The following TMPRSS6 variants were observed in gnomAD, a reference collection of about 807,000 sequenced individuals.
TMPRSS6 encodes the protein transmembrane serine protease 6, also known as transmembrane protease serine 6.
Under a neutral mutation model 101.5 loss-of-function variants are expected in TMPRSS6, and 67 were observed. The ratio of observed to expected loss-of-function variants is 0.66; its 90% CI spans 0.54 to 0.81. The LOEUF (loss-of-function observed/expected upper bound fraction) is 0.81. Among genes scored for constraint, TMPRSS6 ranks in the 30% least tolerant of loss-of-function variants. The pLI is 0.00. For missense variants in TMPRSS6, 1,034 were observed against 1,088.7 expected, an observed-to-expected ratio of 0.95 and a Z score of 0.71; for synonymous variants, 453 against 464.9, an observed-to-expected ratio of 0.97 and a Z score of 0.33.
At chr22:37,098,606 T>C in intron 2 of TMPRSS6, 57 bp from the exon 3 acceptor site, 2 of 1,613,142 alleles carry the variant, frequency 1.2e-6, no homozygotes, top group South Asian at 1.1e-5. Context: ...AAGTCTCCTG[T>C]CTCTTCCATG....
At chr22:37,070,682 C>G (rs1247045676) in intron 14 of TMPRSS6, 30 bp from the exon 15 acceptor site, 1 of 1,602,268 alleles carries the variant, frequency 6.2e-7, no homozygotes, top group Admixed American at 1.7e-5. Flanking sequence ...GTGGGGTGGA[C>G]AGAGGAGGAG....
At chr22:37,068,833 C>T (rs1268499020) in intron 16 of TMPRSS6, among the ~76,000 whole-genome samples, 2 of 152,230 alleles carry the variant, frequency 1.3e-5, no homozygotes. Flanking sequence ...GCCCCTTTGC[C>T]CCACACATAA....
rs117575523 is a variant in TMPRSS6, at chr22:37,065,577, G to C, written c.*503C>G. 1.0e-3 allele frequency: 163 copies of C among 163,052 alleles called. 6 individuals are homozygous for C. The East Asian group carries it at 0.018, about 18-fold the overall frequency. The allele number at this position is 163,052 out of a possible 1,614,324, so 10.1% of individuals were successfully genotyped here. A position where few individuals can be genotyped will look rare whatever the true frequency, so the allele number is the denominator to read the frequency against. ...CCCCACCTTTTGGCTTACAGTGGCA[G>C]CAGGCCCACCTGGCAGTCTCCAGGG... On this transcript the variant is annotated 3_prime_UTR_variant, in exon 18 of 18. Coordinates refer to ENST00000676104, the MANE Select transcript of TMPRSS6 (RefSeq NM_001374504.1).
intron 16 of TMPRSS6, 50 bp from the exon 17 acceptor site, chr22:37,067,012 G>A (rs377107630): frequency 6.2e-7 from 1 of 1,612,766 alleles, no homozygotes; most frequent in South Asian, 1.1e-5. Flanking sequence ...TGGAGCCCCT[G>A]TTCTCTATTC....
At chr22:37,068,154 T>C (rs1399285742) in intron 16 of TMPRSS6, among the ~76,000 whole-genome samples, 2 of 152,118 alleles carry the variant, frequency 1.3e-5, no homozygotes, top group Non-Finnish European at 2.9e-5. Flanking sequence ...CCCGAGAATG[T>C]TCTCTCTTCA....
rs1294779086 is a variant in TMPRSS6, at chr22:37,075,228, C to T, written c.1249G>A (p.Ala417Thr). 1.9e-6 allele frequency: 3 copies of T among 1,613,678 alleles called. No homozygotes were observed. The highest frequency in any genetic ancestry group is 2.7e-5 in the African/African-American group (2 of 74,924). Reference sequence around the variant, plus strand: ...AAGTTGATGGTGATCCCGGCCGTGGCCACCACGGGGATCCTCTCGGCGTAG... The same window carrying T: ...AAGTTGATGGTGATCCCGGCCGTGGTCACCACGGGGATCCTCTCGGCGTAG... ...QPYAERIPVV[A>T]TAGITINFTS... Residue 417 changes from alanine to threonine, a missense_variant, in exon 11 of 18, where the codon GCC becomes ACC. By Grantham distance (58) the Ala-to-Thr change is moderately conservative. Coordinates refer to ENST00000676104, the MANE Select transcript of TMPRSS6 (RefSeq NM_001374504.1).
At chr22:37,085,591 G>C (rs1423907773) in intron 8 of TMPRSS6, among the ~76,000 whole-genome samples, 2 of 152,174 alleles carry the variant, frequency 1.3e-5, no homozygotes, top group East Asian at 1.9e-4. Context: ...GGCAAAGTTT[G>C]GGCCTCCTGC....
intron 12 of TMPRSS6, 26 bp downstream of exon 12, chr22:37,074,584 G>A: frequency 3.1e-6 from 5 of 1,605,390 alleles, no homozygotes; most frequent in Non-Finnish European, 4.3e-6. Flanking sequence ...GCAGGGAGAG[G>A]AGGGATGCGC....
At position 37,096,147 on chromosome 22, in the gene TMPRSS6, T is replaced by A. The variant is rs1285517343; in HGVS notation, c.405-57A>T. On this transcript the variant is annotated intron_variant, in intron 4 of 17. Coordinates refer to ENST00000676104, the MANE Select transcript of TMPRSS6 (RefSeq NM_001374504.1). ...AAGGATTCTGAGGTCTGGCCCCAGC[T>A]CCACCCCTGCTCATGCACATCGAGC... The A allele has an allele frequency of 3.8e-6, 6 of 1,594,462 alleles. No individual in the cohort carries two copies. In the Admixed American group the frequency reaches 1.0e-4, roughly 27 times the overall value.
chr22:37,093,985 T>C (rs1601560597), intron 6 of TMPRSS6, among the ~76,000 whole-genome samples: 1 of 152,110 alleles, frequency 6.6e-6, no homozygotes, highest in East Asian at 2.0e-4. Flanking sequence ...ATCGCGGCAC[T>C]GCACTCCAGC....
chr22:37,102,994 A>G (rs1930452582), intron 2 of TMPRSS6, among the ~76,000 whole-genome samples: 1 of 152,088 alleles, frequency 6.6e-6, no homozygotes, highest in South Asian at 2.1e-4. Context: ...TTGCCCAAGC[A>G]GGAAGCAGAC....
At chr22:37,093,235 A>C (rs913144151) in intron 6 of TMPRSS6, among the ~76,000 whole-genome samples, 4 of 152,120 alleles carry the variant, frequency 2.6e-5, no homozygotes, top group Non-Finnish European at 4.4e-5. Context: ...TCATGAAACG[A>C]ACACCCACTG....
Position 37,065,990 on chromosome 22 carries a change from C to G in TMPRSS6, c.*90G>C. On this transcript the variant is annotated 3_prime_UTR_variant, in exon 18 of 18. Transcript: ENST00000676104. The stretch of plus-strand genomic sequence containing the variant: ...CACAGGGCCTGCTCTCTCCCCCACC[C>G]CCCGCCAGAATACTTGTCCCCCTGC... 1 of 1,570,516 alleles carries G rather than the reference C, an allele frequency of 6.4e-7. No individual in the cohort carries two copies. Among genetic ancestry groups the G allele is most frequent in the Non-Finnish European group, 8.7e-7 (1 of 1,145,282 alleles).
At chr22:37,091,420 C>T (rs900027532) in intron 6 of TMPRSS6, among the ~76,000 whole-genome samples, 1 of 152,188 alleles carries the variant, frequency 6.6e-6, no homozygotes, top group African/African-American at 2.4e-5. Flanking sequence ...CAGGCTAGTG[C>T]CATCTGCTGG....
chr22:37,090,639 T>C (rs781313134), intron 6 of TMPRSS6, among the ~76,000 whole-genome samples: 8 of 152,226 alleles, frequency 5.3e-5, no homozygotes, highest in Non-Finnish European at 1.0e-4. Flanking sequence ...TCAATGATTG[T>C]GTCCATTGCA....
intron 1 of TMPRSS6, among the ~76,000 whole-genome samples, chr22:37,108,931 C>T (rs540001285): frequency 1.3e-5 from 2 of 152,124 alleles, no homozygotes; most frequent in Admixed American, 1.3e-4. Context: ...CACAGACCCA[C>T]AGATGTACAC....
chr22:37,094,543 T>TGAAAGATAGATAGATAGATA (rs1929581919), intron 6 of TMPRSS6, among the ~76,000 whole-genome samples: 1 of 150,716 alleles, frequency 6.6e-6, no homozygotes. Context: ...TCAACAGAGA[T>TGAAAGATAGATAGATAGATA]GATAGATAGA....
intron 10 of TMPRSS6, among the ~76,000 whole-genome samples, chr22:37,078,921 AAAG>A (rs1332586036): frequency 2.3e-5 from 3 of 132,254 alleles, no homozygotes; most frequent in African/African-American, 3.7e-5. Context: ...GAAGAAAGAG[AAAG>A]AAGAGGAAGA....
chr22:37,086,601 A>C (rs1276995485), intron 7 of TMPRSS6, among the ~76,000 whole-genome samples, 182 bp from the exon 8 acceptor site: 1 of 152,130 alleles, frequency 6.6e-6, no homozygotes, highest in East Asian at 1.9e-4. Flanking sequence ...CCAGCCCCAG[A>C]GGACAGACTG....
Sources: allele counts gnomAD v4.1 joint callset (sites outside exome capture counted in the v4.1 genomes callset), GRCh38; gene constraint gnomAD v4.1.1; transcripts MANE v1.5; gene names NCBI Gene and HGNC (gene_info 2026-07-23, HGNC 2026-07-21).